PMEL: variants seen among roughly 807,000 people sequenced by gnomAD.
PMEL encodes the protein melanocyte protein PMEL.
Under a neutral mutation model 64.9 loss-of-function variants are expected in PMEL, and 53 were observed. That is an observed-to-expected ratio of 0.82 (90% CI 0.66 to 1.03). The LOEUF (loss-of-function observed/expected upper bound fraction) is 1.03. Ranked by LOEUF, PMEL falls within the 50% of genes least tolerant of loss-of-function variation. The probability of loss-of-function intolerance (pLI) is 0.00; values close to 1 mark genes in which losing one functional copy is unlikely to be tolerated. For missense variants in PMEL, 716 were observed against 814.9 expected (o/e 0.88, Z 1.48); for synonymous variants, 299 against 316.2 (o/e 0.95, Z 0.58).
At chr12:55,958,186 A>T in intron 4 of PMEL, 102 bp from the exon 5 acceptor site, 1 of 1,239,136 alleles carries the variant, frequency 8.1e-7, no homozygotes, top group African/African-American at 1.5e-5. Context: ...GTCAGGAAGT[A>T]TGATTACTTC....
Position 55,961,722 on chromosome 12 carries a change from G to C in PMEL, c.87C>G (p.Asn29Lys), listed in dbSNP as rs749875577. 2 of 1,613,158 alleles carry C rather than the reference G, an allele frequency of 1.2e-6. No individual in the cohort carries two copies. Among genetic ancestry groups the C allele is most frequent in the South Asian group, 1.1e-5 (1 of 91,060 alleles). Residue 29 changes from asparagine (N) to lysine (K), a missense_variant, in exon 2 of 11, where the codon AAC becomes AAG. Physicochemically the swap from Asn to Lys is moderately conservative, Grantham distance 94. Transcript: ENST00000548747. ...GCCTTGAGACACCAAGCCAGTCCTG[G>C]TTTCTGGGTACTAAAAGGAATGTGC... ...LAVGATKVPR[N>K]QDWLGVSRQL... is the part of the protein sequence containing the mutation.
Position 55,955,788 on chromosome 12 carries a change from C to T in PMEL, c.1547G>A (p.Cys516Tyr), listed in dbSNP as rs749547253. 2.5e-5 allele frequency: 41 copies of T among 1,613,846 alleles called. No homozygotes were observed. Among genetic ancestry groups the T allele is most frequent in the Non-Finnish European group, 3.3e-5 (39 of 1,179,734 alleles). Residue 516 changes from cysteine to tyrosine, a missense_variant, in exon 8 of 11, where the codon TGC (cysteine) becomes TAC (tyrosine). Coordinates refer to ENST00000548747, the MANE Select transcript of PMEL (RefSeq NM_001384361.1). The stretch of plus-strand genomic sequence containing the variant: ...CTAGTGAGACACTCACCCGCCTTGG[C>T]AGGACACAGTCAGCTCAAATGCATC... ...EGDAFELTVS[C>Y]QGGLPKEACM...
chr12:55,957,568 A>G lies in PMEL; in HGVS notation c.735T>C (p.His245=), dbSNP rs758906066. The change falls in exon 6 of 11, where the codon CAT becomes CAC. Residue 245 remains histidine (H), a synonymous_variant. Transcript: ENST00000548747. ...CTTCAGCCAGATAGCCACTGGGGTC[A>G]TGGAGCTGGAGGGCAAAGGTCAGAG... ...NQPLTFALQL[H]DPSGYLAEAD... 6.5e-5 allele frequency: 105 copies of G among 1,613,842 alleles called. No individual in the cohort carries two copies. The highest frequency in any genetic ancestry group is 8.3e-5 in the Non-Finnish European group (98 of 1,180,008).
rs751560405 is a variant in PMEL, at chr12:55,956,913, C to T, written c.1354+36G>A. Reference sequence around the variant, plus strand: ...ACTTACAGAGTAGAGTAGGGTACCCCACCTCCGTGAACCTCATTCGCACTG... The same window carrying T: ...ACTTACAGAGTAGAGTAGGGTACCCTACCTCCGTGAACCTCATTCGCACTG... On this transcript the variant is annotated intron_variant, in intron 6 of 10. Coordinates refer to ENST00000548747, the MANE Select transcript of PMEL (RefSeq NM_001384361.1). 4 of 1,597,108 alleles carry T rather than the reference C, an allele frequency of 2.5e-6. No individual in the cohort carries two copies. The African/African-American group carries it at 4.0e-5, about 16-fold the overall frequency.
chr12:55,955,394 A>G (rs967939286), intron 9 of PMEL, 33 bp from the exon 10 acceptor site: 1 of 1,613,676 alleles, frequency 6.2e-7, no homozygotes, highest in Non-Finnish European at 8.5e-7. Context: ...TGCTTCACTC[A>G]GTGTCTGCTG....
intron 6 of PMEL, among the ~76,000 whole-genome samples, chr12:55,956,727 C>A (rs1165546093): frequency 2.0e-5 from 3 of 152,188 alleles, no homozygotes; most frequent in African/African-American, 7.2e-5. Flanking sequence ...AAGCAACAAG[C>A]TCTTTCCTCA....
Position 55,956,902 on chromosome 12 carries a change from G to A in PMEL, c.1354+47C>T, listed in dbSNP as rs75101332. 3.2e-3 allele frequency: 4,994 copies of A among 1,584,364 alleles called. 141 individuals are homozygous for A. In the African/African-American group the frequency reaches 0.059, roughly 19 times the overall value. ...TCCTGGGTAAGACTTACAGAGTAGA[G>A]TAGGGTACCCCACCTCCGTGAACCT... On this transcript the variant is annotated intron_variant, in intron 6 of 10. Coordinates refer to ENST00000548747, the MANE Select transcript of PMEL (RefSeq NM_001384361.1).
intron 6 of PMEL, 21 bp downstream of exon 6, chr12:55,956,928 C>T (rs1888904865): frequency 6.2e-7 from 1 of 1,609,758 alleles, no homozygotes; most frequent in African/African-American, 1.3e-5. Flanking sequence ...CCGTGAACCT[C>T]ATTCGCACTG....
chr12:55,963,959 C>A (rs543201289), intron 1 of PMEL, among the ~76,000 whole-genome samples: 35 of 151,912 alleles, frequency 2.3e-4, no homozygotes, highest in African/African-American at 7.5e-4. Flanking sequence ...CCCTTTCCTG[C>A]AGAAACTTCC....
chr12:55,959,050 G>T (rs565679793), intron 3 of PMEL, among the ~76,000 whole-genome samples: 1 of 150,986 alleles, frequency 6.6e-6, no homozygotes, highest in Admixed American at 6.6e-5. Context: ...GAAGTGCTGG[G>T]TTTACAGGCG....
intron 5 of PMEL, 35 bp from the exon 6 acceptor site, chr12:55,957,706 C>T: frequency 6.3e-7 from 1 of 1,577,022 alleles, no homozygotes; most frequent in Non-Finnish European, 8.6e-7. Context: ...AGAACCAGGC[C>T]TGAGCCACAG....
At chr12:55,959,348 G>A (rs570807194) in intron 3 of PMEL, among the ~76,000 whole-genome samples, 2 of 151,490 alleles carry the variant, frequency 1.3e-5, no homozygotes, top group Non-Finnish European at 2.9e-5. Context: ...TCACACCACT[G>A]TACTCCAGCC....
At chr12:55,963,893 T>C (rs1240811998) in intron 1 of PMEL, among the ~76,000 whole-genome samples, 1 of 148,590 alleles carries the variant, frequency 6.7e-6, no homozygotes, top group African/African-American at 2.5e-5. Flanking sequence ...CCCTCCCCTC[T>C]CCTCTCCTTT....
intron 7 of PMEL, 70 bp downstream of exon 7, chr12:55,956,033 G>T: frequency 8.5e-7 from 1 of 1,179,174 alleles, no homozygotes; most frequent in Admixed American, 1.7e-5. Context: ...CTCCCAAGGT[G>T]TGCTTCCACT....
rs371027802 is a variant in PMEL, at chr12:55,961,645, G to A, written c.164C>T (p.Ala55Val). The change falls in exon 2 of 11, where the codon GCC (alanine) becomes GTC (valine). Residue 55 changes from alanine to valine, a missense_variant. Transcript: ENST00000548747. ...ACCTCTCCAGCAGTCAAGTCTCTGG[G>A]CTTCTGTCCACTCTGGATACAGCTG... Reference protein sequence around the residue: ...NRQLYPEWTEAQRLDCWRGGQ... With the variant: ...NRQLYPEWTEVQRLDCWRGGQ... 1 of 1,613,602 alleles carries A rather than the reference G, an allele frequency of 6.2e-7. No individual in the cohort carries two copies. Among genetic ancestry groups the A allele is most frequent in the African/African-American group, 1.3e-5 (1 of 74,852 alleles).
At position 55,961,456 on chromosome 12, in the gene PMEL, T is replaced by C. The variant is rs1889099581; in HGVS notation, c.195A>G (p.Gln65=). ...AQRLDCWRGG[Q]VSLKVSNDGP... ...CATCATTACTGACCTTGAGGGACACTTGACCACCTGGGAAGGAAAGCTACA... is the reference window on the plus strand; with the variant it reads ...CATCATTACTGACCTTGAGGGACACCTGACCACCTGGGAAGGAAAGCTACA... The change falls in exon 3 of 11, where the codon CAA becomes CAG. Residue 65 remains glutamine (Q), a synonymous_variant. Transcript: ENST00000548747. 6.2e-7 allele frequency: 1 copy of C among 1,614,128 alleles called. No homozygotes were observed. Among genetic ancestry groups the C allele is most frequent in the Admixed American group, 1.7e-5 (1 of 60,018 alleles).
intron 1 of PMEL, 97 bp from the exon 2 acceptor site, chr12:55,961,829 A>C (rs1449190385): frequency 1.9e-5 from 14 of 719,246 alleles, no homozygotes; most frequent in Non-Finnish European, 2.9e-5. Flanking sequence ...TCACATTCGA[A>C]GTGCATTTTT....
In PMEL at chr12:55,958,101, G is replaced by A. The variant is rs773744189; in HGVS notation, c.470-17C>T. Reference sequence around the variant, plus strand: ...AGTATTGGCCTGAAGTTTTTGGAATGAAAAGCAAGGAAGAAGAGATTACTG... The same window carrying A: ...AGTATTGGCCTGAAGTTTTTGGAATAAAAAGCAAGGAAGAAGAGATTACTG... On this transcript the variant is annotated splice_polypyrimidine_tract_variant and intron_variant, in intron 4 of 10. Transcript: ENST00000548747. 2 of 1,613,222 alleles carry A rather than the reference G, an allele frequency of 1.2e-6. No homozygotes were observed. The highest frequency in any genetic ancestry group is 1.7e-4 in the Middle Eastern group (1 of 6,060).
chr12:55,958,975 T>C (rs1232927008), intron 3 of PMEL, among the ~76,000 whole-genome samples: 1 of 151,180 alleles, frequency 6.6e-6, no homozygotes, highest in African/African-American at 2.4e-5. Context: ...AGACAGGGTC[T>C]TGCTATATTG....
Sources: allele counts gnomAD v4.1 joint callset (sites outside exome capture counted in the v4.1 genomes callset), GRCh38; gene constraint gnomAD v4.1.1; transcripts MANE v1.5; gene names NCBI Gene and HGNC (gene_info 2026-07-23, HGNC 2026-07-21).